The following CREB3L2 variants were observed in gnomAD, a reference collection of about 807,000 sequenced individuals.
The protein encoded by CREB3L2 is cyclic AMP-responsive element-binding protein 3-like protein 2.
Under a neutral mutation model 57.2 loss-of-function variants are expected in CREB3L2, and 23 were observed. That is an observed-to-expected ratio of 0.40 (90% CI 0.29 to 0.57). The LOEUF (loss-of-function observed/expected upper bound fraction) is 0.57. CREB3L2 is among the 20% of genes least tolerant of loss of function. The probability of loss-of-function intolerance (pLI) is 0.42; values close to 1 mark genes in which losing one functional copy is unlikely to be tolerated. For synonymous variants in CREB3L2, 268 were observed against 265.1 expected (o/e 1.01, Z -0.11); for missense variants, 628 against 634.7 (o/e 0.99, Z 0.11).
chr7:137,963,271 C>T (rs1801355918), intron 1 of CREB3L2, among the ~76,000 whole-genome samples: 1 of 152,186 alleles, frequency 6.6e-6, no homozygotes, highest in South Asian at 2.1e-4. Flanking sequence ...TTAGCAAGTC[C>T]CTGTTCCCAC....
chr7:137,997,661 A>T (rs1412791857), intron 1 of CREB3L2, among the ~76,000 whole-genome samples: 1 of 152,138 alleles, frequency 6.6e-6, no homozygotes, highest in Non-Finnish European at 1.5e-5. Flanking sequence ...CTGGAAGGTT[A>T]AGCCTGCAGT....
intron 8 of CREB3L2, among the ~76,000 whole-genome samples, chr7:137,891,831 G>A (rs1329609862): frequency 1.3e-5 from 2 of 152,154 alleles, no homozygotes; most frequent in African/African-American, 4.8e-5. Context: ...CGCCCACCTC[G>A]GCCTCCCAAA....
intron 1 of CREB3L2, among the ~76,000 whole-genome samples, chr7:137,970,150 G>A (rs1801482708): frequency 6.6e-6 from 1 of 152,172 alleles, no homozygotes; most frequent in Non-Finnish European, 1.5e-5. Flanking sequence ...CTCCTCATCT[G>A]TAAAATGGTG....
intron 1 of CREB3L2, among the ~76,000 whole-genome samples, chr7:137,951,941 G>A (rs1002161076): frequency 6.6e-6 from 1 of 152,182 alleles, no homozygotes; most frequent in African/African-American, 2.4e-5. Context: ...AGTGAGTCAG[G>A]ATCACGCCAC....
rs1389790204 is a variant in CREB3L2 at position 137,934,614 on chromosome 7, T to C, written c.103-6248A>G. Among the ~76,000 whole-genome samples the C allele has an allele frequency of 3.9e-5, 6 of 152,310 alleles. No homozygotes were observed. In the East Asian group the frequency reaches 1.2e-3, roughly 29 times the overall value. On this transcript the variant is annotated intron_variant, in intron 1 of 11. Coordinates refer to ENST00000330387, the MANE Select transcript of CREB3L2 (RefSeq NM_194071.4). The stretch of plus-strand genomic sequence containing the variant: ...ATTTGTGTCAGCCTCTAAAGCTAGA[T>C]AAAGATAGGCTCACAGACGGTCATC...
In CREB3L2 at chr7:137,969,492, G is replaced by T. The variant is rs113700815; in HGVS notation, c.102+32112C>A. 4.0e-5 allele frequency among the ~76,000 whole-genome samples: 6 copies of T among 151,520 alleles called. 1 individual carries two copies. The highest frequency in any genetic ancestry group is 9.7e-5 in the African/African-American group (4 of 41,330). Reference sequence around the variant, plus strand: ...CTCCCAAGTAGCTGGGACTACAGGCGCCCGCCATCACACCCGGCTAATTTT... The same window carrying T: ...CTCCCAAGTAGCTGGGACTACAGGCTCCCGCCATCACACCCGGCTAATTTT... On this transcript the variant is annotated intron_variant, in intron 1 of 11. Transcript: ENST00000330387.
rs142482898 is a variant in CREB3L2 at position 137,956,889 on chromosome 7, A to C, written c.103-28523T>G. Among the ~76,000 whole-genome samples the C allele has an allele frequency of 2.2e-3, 332 of 152,332 alleles. 1 individual carries two copies. Among genetic ancestry groups the C allele is most frequent in the African/African-American group, 7.2e-3 (301 of 41,582 alleles). Reference sequence around the variant, plus strand: ...ATTTGTCACTTACAGGAAAGTAGGCAAATTCAATTAACCCAGTAGTGAAGA... The same window carrying C: ...ATTTGTCACTTACAGGAAAGTAGGCCAATTCAATTAACCCAGTAGTGAAGA... On this transcript the variant is annotated intron_variant, in intron 1 of 11. Coordinates refer to ENST00000330387, the MANE Select transcript of CREB3L2 (RefSeq NM_194071.4).
chr7:137,904,991 A>G (rs557291141), intron 6 of CREB3L2, among the ~76,000 whole-genome samples: 28 of 152,280 alleles, frequency 1.8e-4, no homozygotes, highest in Non-Finnish European at 2.9e-5. Flanking sequence ...CATATATAAA[A>G]TAAGACAGCT....
In CREB3L2 at chr7:137,877,857, T is replaced by C. The variant is rs1242346919; in HGVS notation, c.*2619A>G. On this transcript the variant is annotated 3_prime_UTR_variant, in exon 12 of 12. Transcript: ENST00000330387. ...TGAACAGAAAATGTGCACACATCCA[T>C]TAACTATTTGGAACCAATCTGGTGC... The C allele has an allele frequency of 4.4e-6, 1 of 228,138 alleles. No homozygotes were observed. The highest frequency in any genetic ancestry group is 8.7e-6 in the Non-Finnish European group (1 of 115,062). The allele number at this position is 228,138 out of a possible 1,614,324, so 14.1% of individuals were successfully genotyped here.
Position 138,000,571 on chromosome 7 carries a change from A to C in CREB3L2, c.102+1033T>G, listed in dbSNP as rs559659825. On this transcript the variant is annotated intron_variant, in intron 1 of 11. Transcript: ENST00000330387. Reference sequence around the variant, plus strand: ...CCAGAGTCAAAGGCCAAAGAGGTGGAGCCTGCAGGCCATTTTGCGAAAGTT... The same window carrying C: ...CCAGAGTCAAAGGCCAAAGAGGTGGCGCCTGCAGGCCATTTTGCGAAAGTT... 3.3e-5 allele frequency among the ~76,000 whole-genome samples: 5 copies of C among 152,282 alleles called. No individual in the cohort carries two copies. In the East Asian group the frequency reaches 9.7e-4, roughly 29 times the overall value.
intron 1 of CREB3L2, among the ~76,000 whole-genome samples, chr7:137,940,063 T>C (rs1456107028): frequency 6.6e-6 from 1 of 152,206 alleles, no homozygotes; most frequent in Non-Finnish European, 1.5e-5. Context: ...TATCCTTCAA[T>C]TTGCAGTTTT....
At chr7:137,973,889 ATGT>A (rs1801560199) in intron 1 of CREB3L2, among the ~76,000 whole-genome samples, 1 of 152,200 alleles carries the variant, frequency 6.6e-6, no homozygotes, top group African/African-American at 2.4e-5. Context: ...CTGGCATTGC[ATGT>A]TCTGGGGAGT....
chr7:137,981,675 G>C (rs1801714185), intron 1 of CREB3L2, among the ~76,000 whole-genome samples: 1 of 152,188 alleles, frequency 6.6e-6, no homozygotes, highest in African/African-American at 2.4e-5. Context: ...GGGGGCCAGA[G>C]CCCTCCATTT....
In CREB3L2 at chr7:137,915,842, T is replaced by G. The variant is rs1389954839; in HGVS notation, c.490A>C (p.Thr164Pro). Residue 164 changes from threonine to proline, a missense_variant, in exon 3 of 12, where the codon ACT (threonine) becomes CCT (proline). Around this residue, in one of 3 missense-constraint regions of CREB3L2, gnomAD observed 339 missense variants for 355.4 expected, o/e 0.95. Transcript: ENST00000330387. ...CAGACGAAAATTGAGCATACCCCAGTGTTCATTTCCAGAGGAGGTTCCTCC... is the reference window on the plus strand; with the variant it reads ...CAGACGAAAATTGAGCATACCCCAGGGTTCATTTCCAGAGGAGGTTCCTCC... ...EKEEPPLEMN[T>P]GVDSSCQTII... 10 of 1,613,622 alleles carry G rather than the reference T, an allele frequency of 6.2e-6. No homozygotes were observed. The highest frequency in any genetic ancestry group is 8.5e-6 in the Non-Finnish European group (10 of 1,179,820).
chr7:137,964,817 A>G (rs1801383247), intron 1 of CREB3L2, among the ~76,000 whole-genome samples: 1 of 152,200 alleles, frequency 6.6e-6, no homozygotes. Flanking sequence ...GGAAGGAGAT[A>G]ATTGAATGAT....
chr7:137,902,385 C>G (rs1453429105), intron 7 of CREB3L2, among the ~76,000 whole-genome samples: 3 of 152,154 alleles, frequency 2.0e-5, no homozygotes, highest in Non-Finnish European at 4.4e-5. Flanking sequence ...CCCAGCTACA[C>G]TCTTACCAGG....
At chr7:137,979,992 A>G (rs1209523640) in intron 1 of CREB3L2, among the ~76,000 whole-genome samples, 1 of 152,210 alleles carries the variant, frequency 6.6e-6, no homozygotes, top group African/African-American at 2.4e-5. Context: ...GGTGAGTCCA[A>G]TCAGCCTCAC....
In CREB3L2 at chr7:137,980,011, G is replaced by A. The variant is rs899516488; in HGVS notation, c.102+21593C>T. Among the ~76,000 whole-genome samples, 3 of 152,214 alleles carry A rather than the reference G, an allele frequency of 2.0e-5. No homozygotes were observed. The highest frequency in any genetic ancestry group is 7.2e-5 in the African/African-American group (3 of 41,460). On this transcript the variant is annotated intron_variant, in intron 1 of 11. Transcript: ENST00000330387. The surrounding 1 kb of genome is among the most constrained non-coding windows in gnomAD (Gnocchi z 4.3). Reference sequence around the variant, plus strand: ...AGTCCAATCAGCCTCACAGGAGGCAGCAGAATATTCTAGCCAGCAGTTCTC... The same window carrying A: ...AGTCCAATCAGCCTCACAGGAGGCAACAGAATATTCTAGCCAGCAGTTCTC...
intron 1 of CREB3L2, among the ~76,000 whole-genome samples, chr7:137,972,083 GA>G (rs529362545): frequency 1.3e-4 from 20 of 152,236 alleles, no homozygotes; most frequent in African/African-American, 4.8e-4. Context: ...TAACACAAGA[GA>G]AATTAACAGC....
Sources: gnomAD v4.1 joint callset for allele counts (sites outside exome capture counted in the v4.1 genomes callset) on GRCh38, gnomAD v4.1.1 for gene constraint, gnomAD v4.1.1 regional missense constraint, Gnocchi (gnomAD v3.1) non-coding constraint, MANE v1.5 for transcripts, NCBI Gene and HGNC (gene_info 2026-07-23, HGNC 2026-07-21) for gene names.